The following FAXC variants were observed in gnomAD, a reference collection of about 807,000 sequenced individuals.
FAXC encodes failed axon connections homolog.
In FAXC, 10 loss-of-function variants were observed where a neutral mutation model predicts 41.9. That is an observed-to-expected ratio of 0.24 (90% confidence interval 0.15 to 0.41). The LOEUF is 0.41. Among genes scored for constraint, FAXC ranks in the 10% least tolerant of loss-of-function variants. FAXC has a pLI of 1.00. For synonymous variants in FAXC, 183 were observed against 183.8 expected (o/e 1.00, Z 0.03); for missense variants, 399 against 510.9 (o/e 0.78, Z 2.11).
chr6:99,291,855 G>T, intron 4 of FAXC, 35 bp from the exon 5 acceptor site: 1 of 1,407,588 alleles, frequency 7.1e-7, no homozygotes, highest in Non-Finnish European at 1.0e-6. Context: ...CAATGGGCTG[G>T]CCCACACTGC....
At chr6:99,305,640 C>T (rs1053183052) in intron 4 of FAXC, among the ~76,000 whole-genome samples, 30 of 150,744 alleles carry the variant, frequency 2.0e-4, no homozygotes, top group African/African-American at 6.8e-4. Flanking sequence ...ATAGATATTG[C>T]TATATCACCA....
At chr6:99,298,944 A>G (rs916031652) in intron 4 of FAXC, among the ~76,000 whole-genome samples, 1 of 152,114 alleles carries the variant, frequency 6.6e-6, no homozygotes, top group African/African-American at 2.4e-5. Context: ...ACCCTGCTGA[A>G]ACTTCTCTCC....
chr6:99,305,382 G>A (rs971844523), intron 4 of FAXC, among the ~76,000 whole-genome samples: 3 of 152,066 alleles, frequency 2.0e-5, no homozygotes, highest in South Asian at 2.1e-4. Flanking sequence ...CCATCTGTTC[G>A]GTAAGCAAGC....
chr6:99,338,295 A>G (rs918214096), intron 2 of FAXC, among the ~76,000 whole-genome samples: 4 of 152,200 alleles, frequency 2.6e-5, no homozygotes, highest in Non-Finnish European at 5.9e-5. Flanking sequence ...CCCTTCTTGA[A>G]GACCTCTGTA....
chr6:99,337,536 T>C (rs532046701), intron 2 of FAXC, among the ~76,000 whole-genome samples: 1 of 152,328 alleles, frequency 6.6e-6, no homozygotes, highest in African/African-American at 2.4e-5. Context: ...TAATTTTCAC[T>C]TTCCACATAC....
At chr6:99,329,367 A>AT (rs919671052) in intron 3 of FAXC, among the ~76,000 whole-genome samples, 2 of 152,204 alleles carry the variant, frequency 1.3e-5, no homozygotes, top group Non-Finnish European at 2.9e-5. Flanking sequence ...TTTAATGAAG[A>AT]TATCATGCAT....
At chr6:99,315,252 A>C (rs1460830605) in intron 4 of FAXC, among the ~76,000 whole-genome samples, 5 of 138,800 alleles carry the variant, frequency 3.6e-5, no homozygotes, top group African/African-American at 1.4e-4. Context: ...AAAAAAAAAA[A>C]AAAAAAAAAA....
At position 99,311,403 on chromosome 6, in the gene FAXC, C is replaced by T. The variant is rs578018849; in HGVS notation, c.823+12041G>A. 1.4e-4 allele frequency among the ~76,000 whole-genome samples: 22 copies of T among 152,150 alleles called. No individual in the cohort carries two copies. The East Asian group carries it at 4.1e-3, about 28-fold the overall frequency. On this transcript the variant is annotated intron_variant, in intron 4 of 5. Coordinates refer to ENST00000389677, the MANE Select transcript of FAXC (RefSeq NM_032511.4). ...CAGCCTGGCCAAGATGGTAAAACCC[C>T]ATCTCTACTAAAAATACAAAAATTA...
intron 3 of FAXC, among the ~76,000 whole-genome samples, chr6:99,332,267 C>A (rs996261882): frequency 5.3e-5 from 8 of 152,126 alleles, no homozygotes; most frequent in African/African-American, 1.7e-4. Flanking sequence ...GAAGAAAGAA[C>A]CTTCTCCAGT....
Position 99,276,653 on chromosome 6 carries a change from A to T in FAXC, c.*4511T>A, listed in dbSNP as rs1375798179. The T allele has an allele frequency of 6.6e-6, 1 of 152,252 alleles. No homozygotes were observed. The highest frequency in any genetic ancestry group is 2.4e-5 in the African/African-American group (1 of 41,466). The allele number at this position is 152,252 out of a possible 1,614,324, so 9.4% of individuals were successfully genotyped here. A position where few individuals can be genotyped will look rare whatever the true frequency, so the allele number is the denominator to read the frequency against. On this transcript the variant is annotated 3_prime_UTR_variant, in exon 6 of 6. Transcript: ENST00000389677. ...CTTCTCTCTGGCTGTGTTAAAAACA[A>T]GAACAAACACAATGATAACATTTAA...
chr6:99,282,359 C>T (rs949204370), intron 5 of FAXC, among the ~76,000 whole-genome samples: 3 of 152,090 alleles, frequency 2.0e-5, no homozygotes, highest in African/African-American at 7.2e-5. Flanking sequence ...AGGACATAAA[C>T]CTTTCCCCCC....
intron 5 of FAXC, among the ~76,000 whole-genome samples, chr6:99,289,204 T>C (rs2128448868): frequency 6.6e-6 from 1 of 152,246 alleles, no homozygotes; most frequent in South Asian, 2.1e-4. Context: ...GATCCCCACA[T>C]CCCTGGCCCC....
At chr6:99,297,680 C>T (rs1250151777) in intron 4 of FAXC, among the ~76,000 whole-genome samples, 1 of 151,794 alleles carries the variant, frequency 6.6e-6, no homozygotes, top group Non-Finnish European at 1.5e-5. Context: ...CTCTCCAGAC[C>T]TGGGCAGGAC....
chr6:99,334,542 T>C (rs1773147827), intron 2 of FAXC: 3 of 778,434 alleles, frequency 3.9e-6, no homozygotes, highest in Non-Finnish European at 4.7e-6. Context: ...TGTCACCTAC[T>C]TCTAGAAGCT....
At chr6:99,294,889 T>C (rs1771422307) in intron 4 of FAXC, among the ~76,000 whole-genome samples, 1 of 152,164 alleles carries the variant, frequency 6.6e-6, no homozygotes, top group Non-Finnish European at 1.5e-5. Context: ...AAATTCGCCA[T>C]CTGGCTTCGA....
At chr6:99,319,230 T>C (rs1474829997) in intron 4 of FAXC, among the ~76,000 whole-genome samples, 1 of 151,968 alleles carries the variant, frequency 6.6e-6, no homozygotes, top group African/African-American at 2.4e-5. Context: ...ACCCCGTCTC[T>C]ACTAAAAATA....
At position 99,279,663 on chromosome 6, in the gene FAXC, G is replaced by C. The variant is rs1770754684; in HGVS notation, c.*1501C>G. The stretch of plus-strand genomic sequence containing the variant: ...TCTGCCCCATATTTCCCTGGAAAAT[G>C]TCCTAAGTCAAAACAACAACAACAA... On this transcript the variant is annotated 3_prime_UTR_variant, in exon 6 of 6. Coordinates refer to ENST00000389677, the MANE Select transcript of FAXC (RefSeq NM_032511.4). 6.6e-6 allele frequency: 1 copy of C among 152,028 alleles called. No homozygotes were observed. The allele number at this position is 152,028 out of a possible 1,614,324, so 9.4% of individuals were successfully genotyped here. A position where few individuals can be genotyped will look rare whatever the true frequency, so the allele number is the denominator to read the frequency against.
intron 1 of FAXC, among the ~76,000 whole-genome samples, chr6:99,343,464 G>A (rs1323162794): frequency 6.6e-6 from 1 of 152,094 alleles, no homozygotes; most frequent in Non-Finnish European, 1.5e-5. Flanking sequence ...GGGTCTCATG[G>A]GTCTTATCTC....
intron 2 of FAXC, among the ~76,000 whole-genome samples, chr6:99,335,830 T>C (rs1193463364): frequency 1.3e-5 from 2 of 152,216 alleles, no homozygotes; most frequent in Non-Finnish European, 2.9e-5. Context: ...TCAATTCTTA[T>C]GTAAATGGAA....
Sources: allele counts gnomAD v4.1 joint callset (sites outside exome capture counted in the v4.1 genomes callset), GRCh38; gene constraint gnomAD v4.1.1; transcripts MANE v1.5; gene names NCBI Gene and HGNC (gene_info 2026-07-23, HGNC 2026-07-21).